Variants in HCN1 observed in about 807,000 individuals in gnomAD.
The protein encoded by HCN1 is hyperpolarization activated cyclic nucleotide gated potassium channel 1.
In HCN1, 13 loss-of-function variants were observed where a neutral mutation model predicts 78.9. The ratio of observed to expected loss-of-function variants is 0.16; its 90% CI spans 0.11 to 0.26. The LOEUF is 0.26. Among genes scored for constraint, HCN1 ranks in the 10% least tolerant of loss-of-function variants. The probability of loss-of-function intolerance (pLI) is 1.00; values close to 1 mark genes in which losing one functional copy is unlikely to be tolerated. For missense variants in HCN1, 810 were observed against 1,154.3 expected, an observed-to-expected ratio of 0.70 and a Z score of 4.32; for synonymous variants, 552 against 455.5, an observed-to-expected ratio of 1.21 and a Z score of -2.70.
At chr5:45,345,173 C>T (rs1353404574) in intron 5 of HCN1, among the ~76,000 whole-genome samples, 1 of 152,182 alleles carries the variant, frequency 6.6e-6, no homozygotes, top group Non-Finnish European at 1.5e-5. Context: ...GTACCTTGGC[C>T]CCTTTTATCA....
rs183101597 is a variant in HCN1 at position 45,453,906 on chromosome 5, T to A, written c.1011+7940A>T. 3.9e-5 allele frequency among the ~76,000 whole-genome samples: 6 copies of A among 152,236 alleles called. 1 individual carries two copies. In the East Asian group the frequency reaches 1.2e-3, roughly 29 times the overall value. On this transcript the variant is annotated intron_variant, in intron 3 of 7. Coordinates refer to ENST00000303230, the MANE Select transcript of HCN1 (RefSeq NM_021072.4). Reference sequence around the variant, plus strand: ...GAAATATTAGACAGCAAAATACTTTTTTTTCTTCAACTTTATCAGGTGCCA... The same window carrying A: ...GAAATATTAGACAGCAAAATACTTTATTTTCTTCAACTTTATCAGGTGCCA...
At chr5:45,452,912 C>T (rs1289857166) in intron 3 of HCN1, among the ~76,000 whole-genome samples, 1 of 151,982 alleles carries the variant, frequency 6.6e-6, no homozygotes, top group Non-Finnish European at 1.5e-5. Flanking sequence ...AAGTGTCCCT[C>T]CTATTCTTTC....
chr5:45,667,414 A>T (rs1284185735), intron 1 of HCN1, among the ~76,000 whole-genome samples: 1 of 151,794 alleles, frequency 6.6e-6, no homozygotes, highest in African/African-American at 2.4e-5. Flanking sequence ...TATCAGACTT[A>T]AAAAAAATAA....
chr5:45,635,491 G>A (rs1745340272), intron 2 of HCN1, among the ~76,000 whole-genome samples: 1 of 151,978 alleles, frequency 6.6e-6, no homozygotes, highest in Non-Finnish European at 1.5e-5. Flanking sequence ...TTTTGCAGCT[G>A]CTTCAAATTA....
intron 3 of HCN1, among the ~76,000 whole-genome samples, chr5:45,426,838 A>G (rs1056746551): frequency 1.3e-5 from 2 of 152,190 alleles, no homozygotes; most frequent in East Asian, 3.8e-4. Flanking sequence ...ATTGCCTGCT[A>G]AACTAAAGGA....
intron 5 of HCN1, among the ~76,000 whole-genome samples, chr5:45,315,598 A>T (rs1362197047): frequency 1.3e-5 from 2 of 152,142 alleles, no homozygotes; most frequent in Non-Finnish European, 2.9e-5. Flanking sequence ...GACACAAAAA[A>T]CCCTTCAGAA....
intron 4 of HCN1, 52 bp from the exon 5 acceptor site, chr5:45,353,298 G>C: frequency 7.6e-7 from 1 of 1,316,180 alleles, no homozygotes. Context: ...GGGTGTATCA[G>C]AAATCATATT....
At chr5:45,323,714 C>G (rs999244768) in intron 5 of HCN1, among the ~76,000 whole-genome samples, 24 of 151,926 alleles carry the variant, frequency 1.6e-4, no homozygotes, top group African/African-American at 4.3e-4. Context: ...ATCCCTCCCC[C>G]ATCCCCCAAC....
intron 4 of HCN1, among the ~76,000 whole-genome samples, chr5:45,373,092 A>G (rs1435764168): frequency 1.5e-5 from 2 of 134,022 alleles, no homozygotes; most frequent in East Asian, 2.2e-4. Context: ...ATAAAAATAT[A>G]ATATATATAA....
At chr5:45,280,400 T>C (rs1329783695) in intron 6 of HCN1, among the ~76,000 whole-genome samples, 3 of 152,188 alleles carry the variant, frequency 2.0e-5, no homozygotes, top group Non-Finnish European at 4.4e-5. Flanking sequence ...TCCACTTGTG[T>C]TCCAATATAT....
At chr5:45,643,430 T>C (rs1211336367) in intron 2 of HCN1, 1 of 152,202 alleles carries the variant, frequency 6.6e-6, no homozygotes. Context: ...TAAGAGGTAC[T>C]ATTCAACTCT....
intron 1 of HCN1, among the ~76,000 whole-genome samples, chr5:45,669,980 G>A (rs111700947): frequency 6.0e-4 from 91 of 151,814 alleles, no homozygotes; most frequent in African/African-American, 2.0e-3. Context: ...GAAGGGAGGT[G>A]TAAAGTTGTT....
intron 6 of HCN1, among the ~76,000 whole-genome samples, chr5:45,295,288 A>T (rs1182211552): frequency 6.6e-6 from 1 of 151,998 alleles, no homozygotes; most frequent in Non-Finnish European, 1.5e-5. Flanking sequence ...AGTAATTTCC[A>T]GGTTTCTTTA....
chr5:45,627,608 A>G (rs2112006004), intron 2 of HCN1, among the ~76,000 whole-genome samples: 1 of 152,304 alleles, frequency 6.6e-6, no homozygotes, highest in South Asian at 2.1e-4. Flanking sequence ...ACTTTTTGTC[A>G]AAATAATACC....
chr5:45,365,620 T>C (rs1747218954), intron 4 of HCN1, among the ~76,000 whole-genome samples: 1 of 151,966 alleles, frequency 6.6e-6, no homozygotes, highest in South Asian at 2.1e-4. Flanking sequence ...TTCCATGATT[T>C]TGTCATTGCG....
At chr5:45,506,531 C>A (rs1295234319) in intron 2 of HCN1, among the ~76,000 whole-genome samples, 2 of 151,414 alleles carry the variant, frequency 1.3e-5, no homozygotes, top group Non-Finnish European at 1.5e-5. Flanking sequence ...TTTAAAAATG[C>A]AAAACACAAA....
chr5:45,592,950 T>C (rs1185485688), intron 2 of HCN1, among the ~76,000 whole-genome samples: 1 of 152,186 alleles, frequency 6.6e-6, no homozygotes, highest in Admixed American at 6.5e-5. Flanking sequence ...AACCACGTTG[T>C]TTTCATTTTG....
chr5:45,475,143 A>C (rs1410066010), intron 2 of HCN1, among the ~76,000 whole-genome samples: 1 of 152,018 alleles, frequency 6.6e-6, no homozygotes, highest in East Asian at 1.9e-4. Context: ...ATATAAAATA[A>C]ACTAGTGATT....
chr5:45,569,847 C>T (rs957773279), intron 2 of HCN1, among the ~76,000 whole-genome samples: 9 of 151,724 alleles, frequency 5.9e-5, no homozygotes, highest in Non-Finnish European at 1.3e-4. Context: ...CATCCTTATC[C>T]TCATCATCAT....
Sources: gnomAD v4.1 joint callset for allele counts (sites outside exome capture counted in the v4.1 genomes callset) on GRCh38, gnomAD v4.1.1 for gene constraint, MANE v1.5 for transcripts, NCBI Gene and HGNC (gene_info 2026-07-23, HGNC 2026-07-21) for gene names.